CDHR2: variants seen among roughly 807,000 people sequenced by gnomAD.
CDHR2 encodes the protein cadherin-related family member 2.
A neutral mutation model predicts 138.6 loss-of-function variants in CDHR2; 104 were observed. The observed-to-expected ratio is 0.75, with a 90% confidence interval of 0.64 to 0.88. The LOEUF is 0.88. CDHR2 is among the 40% of genes least tolerant of loss of function. The pLI is 0.00. For synonymous variants in CDHR2, 755 were observed against 742.8 expected (o/e 1.02, Z -0.27); for missense variants, 1,624 against 1,727.6 (o/e 0.94, Z 1.06).
chr5:176,592,771 G>C lies in CDHR2; in HGVS notation c.3783G>C (p.Gln1261His). 1 of 1,613,812 alleles carries C rather than the reference G, an allele frequency of 6.2e-7. No individual in the cohort carries two copies. Among genetic ancestry groups the C allele is most frequent in the Non-Finnish European group, 8.5e-7 (1 of 1,179,830 alleles). ...CTGTGGATGTGGACAAGAACAGTCA[G>C]GAAATCAAGGCAAGATGGGGGATGA... ...DNSVDVDKNS[Q>H]EIKEHRPPHT... is the part of the protein sequence containing the mutation. Residue 1261 changes from glutamine to histidine, a missense_variant, in exon 31 of 32, where the codon CAG becomes CAC. By Grantham distance (24) the Gln-to-His change is conservative (BLOSUM62 0). Coordinates refer to ENST00000261944, the MANE Select transcript of CDHR2 (RefSeq NM_017675.6).
At chr5:176,561,922 G>A (rs991868672) in intron 1 of CDHR2, among the ~76,000 whole-genome samples, 12 of 152,324 alleles carry the variant, frequency 7.9e-5, no homozygotes, top group African/African-American at 2.9e-4. Context: ...TTACAGGCAT[G>A]AGCCACCGCA....
At chr5:176,565,941 G>T (rs1162348292) in intron 3 of CDHR2, among the ~76,000 whole-genome samples, 198 bp downstream of exon 3, 2 of 152,124 alleles carry the variant, frequency 1.3e-5, no homozygotes, top group Non-Finnish European at 2.9e-5. Context: ...GTCCTCAAAG[G>T]TGTGAGACGC....
chr5:176,591,108 C>T (rs1000428310), intron 28 of CDHR2, 102 bp from the exon 29 acceptor site: 4 of 767,074 alleles, frequency 5.2e-6, no homozygotes, highest in Admixed American at 4.4e-5. Context: ...ATAGAGCTAA[C>T]ACTCACCTCC....
intron 24 of CDHR2, 120 bp downstream of exon 24, chr5:176,589,736 C>G (rs1758795939): frequency 1.1e-6 from 1 of 869,798 alleles, no homozygotes; most frequent in South Asian, 1.5e-5. Context: ...TGACCTTGTC[C>G]CTGTCTTCAA....
In CDHR2 at chr5:176,543,289, C is replaced by T. The variant is rs1261064856; in HGVS notation, c.-16+520C>T. Among the ~76,000 whole-genome samples, 1 of 146,730 alleles carries T rather than the reference C, an allele frequency of 6.8e-6. No individual in the cohort carries two copies. The highest frequency in any genetic ancestry group is 2.4e-5 in the African/African-American group (1 of 40,818). On this transcript the variant is annotated intron_variant, in intron 1 of 31. Coordinates refer to the CDHR2 transcript ENST00000510636. This position sits in a 1 kb window ranked among gnomAD's most constrained non-coding sequence, Gnocchi z 4.0. ...GGGCCGCGGCGGGGCTCCACCCCCA[C>T]CCGGCGGCCGGCGCGTCGCTCCCGC...
intron 26 of CDHR2, 28 bp downstream of exon 26, chr5:176,590,358 G>T (rs1370399282): frequency 6.2e-7 from 1 of 1,614,088 alleles, no homozygotes; most frequent in Admixed American, 1.7e-5. Context: ...TGGGGCAGGT[G>T]TGAGGGTGAG....
At chr5:176,559,137 T>G (rs1757909620) in intron 1 of CDHR2, among the ~76,000 whole-genome samples, 1 of 152,214 alleles carries the variant, frequency 6.6e-6, no homozygotes, top group Non-Finnish European at 1.5e-5. Context: ...TAGAGCAAAG[T>G]GGCCCAAGAG....
Position 176,565,698 on chromosome 5 carries a change from C to T in CDHR2, c.79C>T (p.Leu27=), listed in dbSNP as rs762267823. 1 of 1,614,016 alleles carries T rather than the reference C, an allele frequency of 6.2e-7. No homozygotes were observed. The highest frequency in any genetic ancestry group is 2.2e-5 in the East Asian group (1 of 44,866). The change falls in exon 3 of 32, where the codon CTA becomes TTA. Residue 27 remains leucine (L), a synonymous_variant. Coordinates refer to ENST00000261944, the MANE Select transcript of CDHR2 (RefSeq NM_017675.6). ...SVAANVAPKF[L]ANMTSVILPE... is the part of the protein sequence containing the mutation. ...GGCAGCCAACGTGGCCCCGAAGTTC[C>T]TAGCCAACATGACGTCAGTGATCCT... is the stretch of plus-strand genomic sequence containing the variant.
intron 28 of CDHR2, 32 bp downstream of exon 28, chr5:176,590,719 C>T (rs749758770): frequency 1.2e-6 from 2 of 1,611,824 alleles, no homozygotes; most frequent in African/African-American, 1.3e-5. Flanking sequence ...TGTCTCCAAC[C>T]TTCACCCTCT....
rs1038018005 is a variant in CDHR2 at position 176,553,642 on chromosome 5, C to G, written c.-16+4228C>G. ...TGCCTGGGCTGGACGCATCCAGCCC[C>G]TGGCTGTTCCTTACACAATGGACAC... is the stretch of plus-strand genomic sequence containing the variant. On this transcript the variant is annotated intron_variant, in intron 1 of 31. Coordinates refer to ENST00000261944, the MANE Select transcript of CDHR2 (RefSeq NM_017675.6). The surrounding 1 kb of genome is among the most constrained non-coding windows in gnomAD (Gnocchi z 4.3). Among the ~76,000 whole-genome samples, 2 of 152,134 alleles carry G rather than the reference C, an allele frequency of 1.3e-5. No homozygotes were observed. The highest frequency in any genetic ancestry group is 2.9e-5 in the Non-Finnish European group (2 of 68,010).
In CDHR2 at chr5:176,565,332, C is replaced by T. The variant is rs1003765043; in HGVS notation, c.-15-6C>T. ...CCAGGAGCCATTCCCTGACCTCTTCCCTTAGGTCCCTGCGGATGTGATGGC... is the reference window on the plus strand; with the variant it reads ...CCAGGAGCCATTCCCTGACCTCTTCTCTTAGGTCCCTGCGGATGTGATGGC... On this transcript the variant is annotated splice_region_variant and splice_polypyrimidine_tract_variant and intron_variant, in intron 1 of 31. Transcript: ENST00000261944. 1.2e-6 allele frequency: 2 copies of T among 1,610,066 alleles called. No individual in the cohort carries two copies. The highest frequency in any genetic ancestry group is 1.4e-5 in the African/African-American group (1 of 73,314).
chr5:176,573,649 G>GA (rs34171825), intron 6 of CDHR2, among the ~76,000 whole-genome samples: 40,711 of 147,544 alleles, frequency 0.28, 5,672 homozygotes, highest in East Asian at 0.48. Flanking sequence ...TCCATCTCAG[G>GA]AAAAAAAAAA....
intron 31 of CDHR2, among the ~76,000 whole-genome samples, chr5:176,593,126 C>T (rs1311591822): frequency 6.6e-6 from 1 of 152,144 alleles, no homozygotes; most frequent in East Asian, 1.9e-4. Flanking sequence ...CCTTTATGGC[C>T]GTTATAGGAA....
chr5:176,588,418 T>TGAGTGTATGA (rs1758728197), intron 21 of CDHR2, among the ~76,000 whole-genome samples: 1 of 128,710 alleles, frequency 7.8e-6, no homozygotes, highest in South Asian at 2.3e-4. Context: ...AGTGAGGGTG[T>TGAGTGTATGA]GAGTGTGTGT....
chr5:176,549,068 C>T (rs536543485), upstream of CDHR2, among the ~76,000 whole-genome samples: 1 of 152,190 alleles, frequency 6.6e-6, no homozygotes, highest in Non-Finnish European at 1.5e-5. Flanking sequence ...CTGTCACCGT[C>T]CCCGCCTCCA....
chr5:176,545,713 G>A (rs1297454654), upstream of CDHR2, among the ~76,000 whole-genome samples: 1 of 152,190 alleles, frequency 6.6e-6, no homozygotes, highest in African/African-American at 2.4e-5. Context: ...TGGGGATTAG[G>A]ACCCAGGTCA....
At chr5:176,554,685 G>A (rs1757781861) in intron 1 of CDHR2, among the ~76,000 whole-genome samples, 1 of 152,148 alleles carries the variant, frequency 6.6e-6, no homozygotes, top group Non-Finnish European at 1.5e-5. Context: ...TTTGGAGACA[G>A]TGTCTCGCTC....
rs1020051538 is a variant in CDHR2, at chr5:176,552,753, A to T, written c.-16+3339A>T. Among the ~76,000 whole-genome samples the T allele has an allele frequency of 1.1e-4, 17 of 152,362 alleles. No individual in the cohort carries two copies. The Middle Eastern group carries it at 0.014, about 122-fold the overall frequency. On this transcript the variant is annotated intron_variant, in intron 1 of 31. Transcript: ENST00000261944. ...GGCCAACCCCAGCAGAGCAGGAGGCAGGCGAGGCAGGGATGAGGCAAGAAA... is the reference window on the plus strand; with the variant it reads ...GGCCAACCCCAGCAGAGCAGGAGGCTGGCGAGGCAGGGATGAGGCAAGAAA...
chr5:176,551,990 G>GT (rs1287053841), intron 1 of CDHR2, among the ~76,000 whole-genome samples: 4 of 152,124 alleles, frequency 2.6e-5, no homozygotes, highest in African/African-American at 9.7e-5. Context: ...GATTACAGGC[G>GT]TGAGTCACCG....
Sources: gnomAD v4.1 joint callset for allele counts (sites outside exome capture counted in the v4.1 genomes callset) on GRCh38, gnomAD v4.1.1 for gene constraint, Gnocchi (gnomAD v3.1) non-coding constraint, MANE v1.5 for transcripts, NCBI Gene and HGNC (gene_info 2026-07-23, HGNC 2026-07-21) for gene names.